Variants in RALYL observed in about 807,000 individuals in gnomAD.
The protein encoded by RALYL is RALY RNA binding protein like.
A neutral mutation model predicts 35.1 loss-of-function variants in RALYL; 29 were observed. That is an observed-to-expected ratio of 0.83 (90% confidence interval 0.61 to 1.13). The LOEUF is 1.13. Among genes scored for constraint, RALYL ranks in the 50% most tolerant of loss-of-function variants. RALYL has a pLI of 0.00. For missense variants in RALYL, 359 were observed against 360.4 expected, an observed-to-expected ratio of 1.00 and a Z score of 0.03; for synonymous variants, 120 against 127.6, an observed-to-expected ratio of 0.94 and a Z score of 0.40.
At chr8:84,502,153 TAAG>T (rs1179241164) in intron 1 of RALYL, among the ~76,000 whole-genome samples, 1 of 152,166 alleles carries the variant, frequency 6.6e-6, no homozygotes, top group East Asian at 1.9e-4. Context: ...AGAATTTCAG[TAAG>T]AAGAATAAAC....
intron 3 of RALYL, among the ~76,000 whole-genome samples, chr8:84,786,475 G>A (rs1178707297): frequency 1.3e-5 from 2 of 151,970 alleles, no homozygotes; most frequent in Non-Finnish European, 2.9e-5. Flanking sequence ...TTTCTCCACA[G>A]CCTCGCCAGC....
chr8:84,298,167 G>A (rs1840116779), intron 1 of RALYL, among the ~76,000 whole-genome samples: 1 of 151,848 alleles, frequency 6.6e-6, no homozygotes, highest in African/African-American at 2.4e-5. Context: ...ATAGTTTTAG[G>A]TTTTACATCT....
intron 8 of RALYL, chr8:84,906,913 C>T (rs1398595953): frequency 4.1e-6 from 4 of 981,730 alleles, no homozygotes; most frequent in Non-Finnish European, 4.8e-6. Context: ...CCTTCTAAAC[C>T]TTCGCTGTCT....
chr8:84,419,325 G>T (rs1192554384), intron 1 of RALYL, among the ~76,000 whole-genome samples: 1 of 152,040 alleles, frequency 6.6e-6, no homozygotes, highest in African/African-American at 2.4e-5. Flanking sequence ...ATCCCATTCT[G>T]CTTTAGCAAA....
In RALYL at chr8:84,764,486, G is replaced by A. The variant is rs144907792; in HGVS notation, c.257-10093G>A. ...TTTTTTTCACTTCAGTTTCTATTAG[G>A]GAAAAAACAGTCTAAATCTAAATAA... On this transcript the variant is annotated intron_variant, in intron 2 of 8. Transcript: ENST00000521268. Among the ~76,000 whole-genome samples, 1,230 of 151,894 alleles carry A rather than the reference G, an allele frequency of 8.1e-3. 21 individuals are homozygous for A. Among genetic ancestry groups the A allele is most frequent in the African/African-American group, 0.027 (1,121 of 41,400 alleles).
intron 2 of RALYL, among the ~76,000 whole-genome samples, chr8:84,695,245 G>A (rs1259917508): frequency 6.6e-6 from 1 of 151,680 alleles, no homozygotes; most frequent in African/African-American, 2.4e-5. Flanking sequence ...ACCTGTTCAT[G>A]TCATGGGCAC....
chr8:84,377,571 G>T (rs1035698879), intron 1 of RALYL, among the ~76,000 whole-genome samples: 1 of 149,768 alleles, frequency 6.7e-6, no homozygotes, highest in African/African-American at 2.5e-5. Context: ...TCTCTAGTAG[G>T]TAGAAAGTTA....
chr8:84,711,735 T>A (rs1275275243), intron 2 of RALYL, among the ~76,000 whole-genome samples: 1 of 152,208 alleles, frequency 6.6e-6, no homozygotes, highest in Non-Finnish European at 1.5e-5. Context: ...GAATATGACT[T>A]GTCTTAGCAG....
intron 4 of RALYL, among the ~76,000 whole-genome samples, chr8:84,843,594 C>G (rs1833917238): frequency 6.6e-6 from 1 of 152,196 alleles, no homozygotes; most frequent in African/African-American, 2.4e-5. Context: ...CAATGACTTT[C>G]TTCACAGAAT....
chr8:84,675,874 C>T (rs1374178509), intron 2 of RALYL, among the ~76,000 whole-genome samples: 2 of 152,122 alleles, frequency 1.3e-5, no homozygotes, highest in African/African-American at 4.8e-5. Context: ...ACGTGTACTG[C>T]GTAGATTTGT....
At chr8:84,880,166 C>T (rs1399618728) in intron 7 of RALYL, among the ~76,000 whole-genome samples, 1 of 152,068 alleles carries the variant, frequency 6.6e-6, no homozygotes, top group East Asian at 1.9e-4. Context: ...TCAATGATAA[C>T]ATGTCAAAGA....
intron 1 of RALYL, among the ~76,000 whole-genome samples, chr8:84,205,844 A>G (rs749726791): frequency 6.6e-6 from 1 of 152,184 alleles, no homozygotes; most frequent in Non-Finnish European, 1.5e-5. Flanking sequence ...GCAGAACCTT[A>G]ACTTTCTCAT....
intron 1 of RALYL, among the ~76,000 whole-genome samples, chr8:84,432,652 T>C (rs1457798362): frequency 6.6e-6 from 1 of 152,078 alleles, no homozygotes; most frequent in Non-Finnish European, 1.5e-5. Flanking sequence ...TTAGTTAAGA[T>C]GAAGTCATGC....
chr8:84,204,442 T>C (rs556782708), intron 1 of RALYL, among the ~76,000 whole-genome samples: 1 of 152,352 alleles, frequency 6.6e-6, no homozygotes, highest in African/African-American at 2.4e-5. Flanking sequence ...ATCTGTTTCA[T>C]GTTGAATGGA....
intron 1 of RALYL, among the ~76,000 whole-genome samples, chr8:84,484,708 C>T (rs535744740): frequency 2.6e-4 from 39 of 152,252 alleles, no homozygotes; most frequent in African/African-American, 8.7e-4. Context: ...CTCCAAAATA[C>T]ATCTATTCAT....
intron 2 of RALYL, among the ~76,000 whole-genome samples, chr8:84,745,506 G>C (rs978800275): frequency 3.3e-5 from 5 of 152,082 alleles, no homozygotes; most frequent in African/African-American, 1.2e-4. Flanking sequence ...TATTGTGTAA[G>C]TTTGTGTCAC....
intron 4 of RALYL, among the ~76,000 whole-genome samples, chr8:84,805,559 C>T (rs925707617): frequency 3.3e-5 from 5 of 152,040 alleles, no homozygotes; most frequent in East Asian, 1.9e-4. Context: ...TGGCACACAC[C>T]TGTAATCCCA....
At chr8:84,457,730 T>C (rs2050302481) in intron 1 of RALYL, among the ~76,000 whole-genome samples, 1 of 151,878 alleles carries the variant, frequency 6.6e-6, no homozygotes, top group African/African-American at 2.4e-5. Context: ...TGCACGTCTT[T>C]CTCCTTTCTA....
At chr8:84,205,055 C>T (rs960094982) in intron 1 of RALYL, among the ~76,000 whole-genome samples, 9 of 152,064 alleles carry the variant, frequency 5.9e-5, no homozygotes, top group Admixed American at 6.6e-5. Context: ...TAACTCTGAC[C>T]CACTAGATTA....
Sources: gnomAD v4.1 joint callset for allele counts (sites outside exome capture counted in the v4.1 genomes callset) on GRCh38, gnomAD v4.1.1 for gene constraint, MANE v1.5 for transcripts, NCBI Gene and HGNC (gene_info 2026-07-23, HGNC 2026-07-21) for gene names.